The following EPHB2 variants were observed in gnomAD, a reference collection of about 807,000 sequenced individuals.
The protein encoded by EPHB2 is EPH receptor B2.
A neutral mutation model predicts 96.4 loss-of-function variants in EPHB2; 18 were observed. The ratio of observed to expected loss-of-function variants is 0.19; its 90% CI spans 0.13 to 0.28. The LOEUF (loss-of-function observed/expected upper bound fraction) is 0.28, where lower values mean the gene tolerates loss of function less well. EPHB2 is among the 10% of genes least tolerant of loss of function. The pLI, the probability that EPHB2 is intolerant of heterozygous loss-of-function variation, is 1.00. For missense variants in EPHB2, 989 were observed against 1,355.4 expected, an observed-to-expected ratio of 0.73 and a Z score of 4.25; for synonymous variants, 506 against 534.1, an observed-to-expected ratio of 0.95 and a Z score of 0.72.
intron 1 of EPHB2, among the ~76,000 whole-genome samples, chr1:22,737,031 G>A (rs142340824): frequency 1.1e-4 from 17 of 152,296 alleles, no homozygotes; most frequent in East Asian, 1.9e-4. Flanking sequence ...TCGGCGTGAC[G>A]AGGAATCTTG....
At chr1:22,789,132 A>G (rs1004602967) in intron 3 of EPHB2, among the ~76,000 whole-genome samples, 7 of 152,194 alleles carry the variant, frequency 4.6e-5, no homozygotes, top group African/African-American at 1.4e-4. Flanking sequence ...GTGATAACAC[A>G]TGTTTGGCTG....
chr1:22,883,671 C>T (rs1172950880), intron 6 of EPHB2, among the ~76,000 whole-genome samples: 10 of 152,176 alleles, frequency 6.6e-5, no homozygotes, highest in Admixed American at 2.6e-4. Flanking sequence ...GAGCCCAGCC[C>T]GGCCTTCCCA....
At chr1:22,904,186 G>A (rs1639834606) in intron 9 of EPHB2, among the ~76,000 whole-genome samples, 1 of 151,914 alleles carries the variant, frequency 6.6e-6, no homozygotes, top group Admixed American at 6.6e-5. Flanking sequence ...CCAACTACTT[G>A]GAAGGCTAAG....
intron 1 of EPHB2, among the ~76,000 whole-genome samples, chr1:22,717,301 G>C (rs1039113499): frequency 3.9e-5 from 6 of 152,092 alleles, no homozygotes; most frequent in African/African-American, 1.5e-4. Context: ...ATTGGGATCA[G>C]CTCAGGCCTT....
chr1:22,911,143 A>AAAATAAATAAATAAAT (rs59316223), intron 14 of EPHB2, among the ~76,000 whole-genome samples: 4,297 of 133,708 alleles, frequency 0.032, 100 homozygotes, highest in East Asian at 0.1. Context: ...TCCATCTAAA[A>AAAATAAATAAATAAAT]AAATAAATAA....
At chr1:22,831,712 C>G (rs1005738288) in intron 3 of EPHB2, among the ~76,000 whole-genome samples, 1 of 152,054 alleles carries the variant, frequency 6.6e-6, no homozygotes, top group African/African-American at 2.4e-5. Context: ...CCAAAATGAT[C>G]GTGGGAATCC....
chr1:22,771,496 G>C (rs1014419250), intron 1 of EPHB2, among the ~76,000 whole-genome samples: 54 of 152,206 alleles, frequency 3.5e-4, no homozygotes, highest in Non-Finnish European at 1.6e-4. Context: ...CCACTCAGAA[G>C]GGGTGCAGCT....
At chr1:22,903,074 A>G (rs1437643612) in intron 9 of EPHB2, among the ~76,000 whole-genome samples, 3 of 152,220 alleles carry the variant, frequency 2.0e-5, no homozygotes, top group African/African-American at 7.2e-5. Flanking sequence ...AGTGAGGCCA[A>G]TCCACGGAGA....
chr1:22,831,440 A>C (rs1645302219), intron 3 of EPHB2, among the ~76,000 whole-genome samples: 1 of 151,880 alleles, frequency 6.6e-6, no homozygotes, highest in Admixed American at 6.6e-5. Flanking sequence ...AAAAATATTG[A>C]GTGCCTACTG....
At chr1:22,897,366 G>A (rs553517668) in intron 9 of EPHB2, among the ~76,000 whole-genome samples, 13 of 152,212 alleles carry the variant, frequency 8.5e-5, no homozygotes, top group South Asian at 6.2e-4. Context: ...TCAGTGTGAC[G>A]CCCTGAGGTT....
At chr1:22,765,536 G>C (rs1224629964) in intron 1 of EPHB2, among the ~76,000 whole-genome samples, 2 of 91,048 alleles carry the variant, frequency 2.2e-5, no homozygotes, top group Non-Finnish European at 4.0e-5. Context: ...GACAGAGAGA[G>C]ACCCTGTCGC....
chr1:22,744,874 AAAAG>A (rs770507630), intron 1 of EPHB2, among the ~76,000 whole-genome samples: 39 of 152,136 alleles, frequency 2.6e-4, no homozygotes, highest in South Asian at 8.3e-4. Flanking sequence ...AAAAAAGAAA[AAAAG>A]AAAATCACAA....
At chr1:22,787,920 G>T (rs149514615) in intron 3 of EPHB2, among the ~76,000 whole-genome samples, 2 of 152,156 alleles carry the variant, frequency 1.3e-5, no homozygotes, top group Non-Finnish European at 2.9e-5. Context: ...GGTCACTCAC[G>T]GGGTTGTTGG....
At chr1:22,876,822 C>T (rs1638853060) in intron 5 of EPHB2, among the ~76,000 whole-genome samples, 1 of 152,244 alleles carries the variant, frequency 6.6e-6, no homozygotes, top group Non-Finnish European at 1.5e-5. Flanking sequence ...CTGCTGGCCC[C>T]CACTGGCCCG....
chr1:22,761,473 G>GGAGAGGGGTGAGAATAAGCATTGGAGCC (rs1644235024), intron 1 of EPHB2, among the ~76,000 whole-genome samples: 1 of 152,164 alleles, frequency 6.6e-6, no homozygotes, highest in Non-Finnish European at 1.5e-5. Flanking sequence ...GGAACTATTT[G>GGAGAGGGGTGAGAATAAGCATTGGAGCC]GAGAGGGGTG....
rs533973381 is a variant in EPHB2, at chr1:22,784,932, C to T, written c.667C>T (p.Arg223Trp). ...TGAGAGCACATCGCTGGTGGCTGCCCGGGGCAGCTGCATCGCCAATGCGGA... is the reference window on the plus strand; with the variant it reads ...TGAGAGCACATCGCTGGTGGCTGCCTGGGGCAGCTGCATCGCCAATGCGGA... The part of the protein sequence containing the change: ...GAESTSLVAA[R>W]GSCIANAEEV... The change falls in exon 3 of 16, where the codon CGG (arginine) becomes TGG (tryptophan). Residue 223 changes from arginine to tryptophan, a missense_variant. Transcript: ENST00000374630. This position sits in a 1 kb window ranked among gnomAD's most constrained non-coding sequence, Gnocchi z 5.1. 8 of 1,613,916 alleles carry T rather than the reference C, an allele frequency of 5.0e-6. No individual in the cohort carries two copies. The highest frequency in any genetic ancestry group is 2.7e-5 in the African/African-American group (2 of 75,074).
At chr1:22,808,803 A>G (rs1419553379) in intron 3 of EPHB2, among the ~76,000 whole-genome samples, 1 of 152,208 alleles carries the variant, frequency 6.6e-6, no homozygotes, top group African/African-American at 2.4e-5. Context: ...CTTACCCAAC[A>G]CCACACATCA....
intron 3 of EPHB2, among the ~76,000 whole-genome samples, chr1:22,862,243 G>A (rs1046598245): frequency 6.6e-6 from 1 of 152,264 alleles, no homozygotes; most frequent in Non-Finnish European, 1.5e-5. Context: ...CACAGCCCAT[G>A]GGAGAAGCCA....
chr1:22,773,327 T>A (rs2148408729), intron 1 of EPHB2, among the ~76,000 whole-genome samples: 1 of 152,222 alleles, frequency 6.6e-6, no homozygotes, highest in Middle Eastern at 3.4e-3. Context: ...GGGTCAGGCC[T>A]CCAGGCTGTG....
Sources: gnomAD v4.1 joint callset for allele counts (sites outside exome capture counted in the v4.1 genomes callset) on GRCh38, gnomAD v4.1.1 for gene constraint, Gnocchi (gnomAD v3.1) non-coding constraint, MANE v1.5 for transcripts, NCBI Gene and HGNC (gene_info 2026-07-23, HGNC 2026-07-21) for gene names.